The following ELL variants were observed in gnomAD, a reference collection of about 807,000 sequenced individuals.
ELL encodes the protein elongation factor for RNA polymerase II.
Under a neutral mutation model 64.0 loss-of-function variants are expected in ELL, and 18 were observed. That is an observed-to-expected ratio of 0.28 (90% CI 0.19 to 0.42). ELL has a LOEUF of 0.42. Among genes scored for constraint, ELL ranks in the 10% least tolerant of loss-of-function variants. The pLI, the probability that ELL is intolerant of heterozygous loss-of-function variation, is 1.00. For missense variants in ELL, 797 were observed against 870.4 expected, an observed-to-expected ratio of 0.92 and a Z score of 1.06; for synonymous variants, 399 against 376.2, an observed-to-expected ratio of 1.06 and a Z score of -0.70.
intron 1 of ELL, among the ~76,000 whole-genome samples, chr19:18,499,028 C>T (rs151271629): frequency 3.3e-5 from 5 of 152,304 alleles, no homozygotes; most frequent in African/African-American, 1.2e-4. Flanking sequence ...CCCTCCTGCA[C>T]GCCACCCTAG....
chr19:18,465,284 C>G (rs569986476), intron 4 of ELL, 128 bp downstream of exon 4: 5 of 1,327,768 alleles, frequency 3.8e-6, no homozygotes, highest in African/African-American at 1.5e-5. Flanking sequence ...GCTCAGGGAC[C>G]GACTCCTCGG....
intron 1 of ELL, among the ~76,000 whole-genome samples, chr19:18,492,584 TAA>T (rs1284345830): frequency 6.6e-6 from 1 of 152,220 alleles, no homozygotes; most frequent in Non-Finnish European, 1.5e-5. Context: ...ATTAATGTGT[TAA>T]AAGAGTCAAT....
chr19:18,484,098 TC>T (rs1486902910), intron 1 of ELL, among the ~76,000 whole-genome samples: 1 of 152,214 alleles, frequency 6.6e-6, no homozygotes, highest in African/African-American at 2.4e-5. Context: ...GGCCCCTCTG[TC>T]CCCTCTAGCG....
intron 4 of ELL, among the ~76,000 whole-genome samples, chr19:18,464,861 G>A (rs569293521): frequency 3.9e-5 from 6 of 152,318 alleles, no homozygotes; most frequent in East Asian, 3.9e-4. Flanking sequence ...TGCTGAAACC[G>A]TTTCCAAGTT....
In ELL at chr19:18,443,783, CCCCT is replaced by C. The variant is rs1974344765; in HGVS notation, c.*965_*968del. Reference sequence around the variant, plus strand: ...CCCATGGCGCCCAGCCCTCCATCAGCCCCTCCCTGAGTGCAAACCTTGGCGGTGG... The same window carrying C: ...CCCATGGCGCCCAGCCCTCCATCAGCCCCTGAGTGCAAACCTTGGCGGTGG... On this transcript the variant is annotated 3_prime_UTR_variant, in exon 12 of 12. Coordinates refer to ENST00000262809, the MANE Select transcript of ELL (RefSeq NM_006532.4). 8.6e-6 allele frequency: 2 copies of C among 233,132 alleles called. No individual in the cohort carries two copies. The highest frequency in any genetic ancestry group is 1.7e-5 in the Non-Finnish European group (2 of 117,944). 14.4% of individuals were successfully genotyped at this position (233,132 alleles called of 1,614,324 possible). A position where few individuals can be genotyped will look rare whatever the true frequency, so the allele number is the denominator to read the frequency against.
Position 18,463,771 on chromosome 19 carries a change from G to A in ELL, c.469+1641C>T, listed in dbSNP as rs1232958416. ...AGGTGGGCGGATTACGAGGTCAGGA[G>A]ATCGAGACCGTCCTGGCTAACACGG... On this transcript the variant is annotated intron_variant, in intron 4 of 11. Transcript: ENST00000262809. 3.3e-5 allele frequency among the ~76,000 whole-genome samples: 5 copies of A among 152,010 alleles called. No homozygotes were observed. The South Asian group carries it at 6.2e-4, about 19-fold the overall frequency.
chr19:18,502,651 G>A (rs147513563), intron 1 of ELL, among the ~76,000 whole-genome samples: 215 of 152,288 alleles, frequency 1.4e-3, no homozygotes, highest in African/African-American at 4.7e-3. Context: ...AGGAAGAGAC[G>A]GTGTTTAAAT....
intron 8 of ELL, 43 bp downstream of exon 8, chr19:18,450,434 A>C: frequency 6.3e-7 from 1 of 1,590,094 alleles, no homozygotes; most frequent in Non-Finnish European, 8.6e-7. Flanking sequence ...GTGTGGGGCC[A>C]GTACTTAGAG....
At chr19:18,451,429 G>C (rs113489498) in intron 7 of ELL, 123 bp downstream of exon 7, 1 of 927,600 alleles carries the variant, frequency 1.1e-6, no homozygotes, top group African/African-American at 1.8e-5. Context: ...GCGGAGGGAG[G>C]CGGCTCAACT....
At chr19:18,463,404 A>G (rs1359898112) in intron 4 of ELL, among the ~76,000 whole-genome samples, 1 of 137,920 alleles carries the variant, frequency 7.3e-6, no homozygotes, top group Non-Finnish European at 1.5e-5. Flanking sequence ...GCACAATCTC[A>G]GCTCACTGCA....
intron 5 of ELL, among the ~76,000 whole-genome samples, chr19:18,459,913 C>A (rs1328125757): frequency 6.6e-6 from 1 of 152,208 alleles, no homozygotes; most frequent in African/African-American, 2.4e-5. Context: ...TTACTGTGTG[C>A]AGTTTTTTTC....
chr19:18,509,766 T>C (rs1463622118), intron 1 of ELL, among the ~76,000 whole-genome samples: 1 of 151,716 alleles, frequency 6.6e-6, no homozygotes, highest in Non-Finnish European at 1.5e-5. Context: ...CCACCCACCT[T>C]CAGCAAATGC....
Position 18,484,692 on chromosome 19 carries a change from T to A in ELL, c.136-11810A>T, listed in dbSNP as rs565899897. ...AAACCGGCAAGGAAGCACATGAGGC[T>A]TCACAACCAATGCTCTTTTGCCTCC... On this transcript the variant is annotated intron_variant, in intron 1 of 11. Transcript: ENST00000262809. 1.1e-4 allele frequency among the ~76,000 whole-genome samples: 16 copies of A among 152,274 alleles called. No homozygotes were observed. The South Asian group carries it at 2.7e-3, about 26-fold the overall frequency.
rs1600415425 is a variant in ELL at position 18,444,573 on chromosome 19, G to A, written c.*179C>T. On this transcript the variant is annotated 3_prime_UTR_variant, in exon 12 of 12. Transcript: ENST00000262809. ...GCAGGGACTGCTCAGGAAGCGCAGGGAGGGCCGAGGTGGGCTTGCAGCCAC... is the reference window on the plus strand; with the variant it reads ...GCAGGGACTGCTCAGGAAGCGCAGGAAGGGCCGAGGTGGGCTTGCAGCCAC... The A allele has an allele frequency of 5.0e-6, 3 of 602,258 alleles. No homozygotes were observed. The highest frequency in any genetic ancestry group is 8.5e-6 in the Non-Finnish European group (3 of 351,640). 37.3% of individuals were successfully genotyped at this position (602,258 alleles called of 1,614,324 possible).
rs1296564394 is a variant in ELL at position 18,449,452 on chromosome 19, C to T, written c.1465+1025G>A. Among the ~76,000 whole-genome samples the T allele has an allele frequency of 6.6e-6, 1 of 152,172 alleles. No individual in the cohort carries two copies. The highest frequency in any genetic ancestry group is 2.4e-5 in the African/African-American group (1 of 41,422). ...GTGGGAAGCCCAGCACGAGGCAGGG[C>T]TGACCCAACCCCGAAAGTCTTCCTT... On this transcript the variant is annotated intron_variant, in intron 8 of 11. Coordinates refer to ENST00000262809, the MANE Select transcript of ELL (RefSeq NM_006532.4). This position sits in a 1 kb window ranked among gnomAD's most constrained non-coding sequence, Gnocchi z 4.4.
At chr19:18,509,833 G>A (rs1029714479) in intron 1 of ELL, among the ~76,000 whole-genome samples, 9 of 152,162 alleles carry the variant, frequency 5.9e-5, no homozygotes, top group Non-Finnish European at 1.3e-4. Context: ...GTGCCCCCCA[G>A]TGGGCTGTCC....
chr19:18,460,031 G>A (rs997624311), intron 5 of ELL, among the ~76,000 whole-genome samples: 3 of 152,236 alleles, frequency 2.0e-5, no homozygotes, highest in African/African-American at 7.2e-5. Flanking sequence ...TTACTCAGCC[G>A]TCAACACCCC....
In ELL at chr19:18,444,234, C is replaced by A. The variant is rs147400393; in HGVS notation, c.*518G>T. 1,240 of 232,546 alleles carry A rather than the reference C, an allele frequency of 5.3e-3. 16 individuals carry two copies. Among genetic ancestry groups the A allele is most frequent in the African/African-American group, 0.025 (1,140 of 45,354 alleles). The allele number at this position is 232,546 out of a possible 1,614,324, so 14.4% of individuals were successfully genotyped here. ...CCAGCAGAGGCCACCTGCCCATTCC[C>A]CACGCCCTCAGAACGCAGCTGCACC... On this transcript the variant is annotated 3_prime_UTR_variant, in exon 12 of 12. Transcript: ENST00000262809.
chr19:18,509,058 C>T (rs112330174), intron 1 of ELL, among the ~76,000 whole-genome samples: 1,575 of 152,230 alleles, frequency 0.01, 10 homozygotes, highest in African/African-American at 0.02. Context: ...CCACTAATTC[C>T]ATGGGGAAAT....
Sources: allele counts gnomAD v4.1 joint callset (sites outside exome capture counted in the v4.1 genomes callset), GRCh38; gene constraint gnomAD v4.1.1; non-coding constraint Gnocchi (gnomAD v3.1); transcripts MANE v1.5; gene names NCBI Gene and HGNC (gene_info 2026-07-23, HGNC 2026-07-21).